The following FYN variants were observed in gnomAD, a reference collection of about 807,000 sequenced individuals.
The protein encoded by FYN is FYN proto-oncogene, Src family tyrosine kinase.
FYN carries 10 observed loss-of-function variants against 70.2 expected under a neutral mutation model. The observed-to-expected ratio is 0.14, with a 90% confidence interval of 0.09 to 0.24. FYN has a LOEUF of 0.24. Ranked by LOEUF, FYN falls within the 10% of genes least tolerant of loss-of-function variation. FYN has a pLI of 1.00. For missense variants in FYN, 319 were observed against 673.1 expected (o/e 0.47, Z 5.82); for synonymous variants, 236 against 248.6 (o/e 0.95, Z 0.48).
chr6:111,767,608 G>C (rs554106766), intron 3 of FYN, among the ~76,000 whole-genome samples: 4 of 152,296 alleles, frequency 2.6e-5, no homozygotes, highest in African/African-American at 7.2e-5. Flanking sequence ...CACCATGTCA[G>C]CCAGGATGGT....
intron 12 of FYN, among the ~76,000 whole-genome samples, chr6:111,685,032 C>G (rs1798936944): frequency 6.6e-6 from 1 of 152,160 alleles, no homozygotes. Context: ...CAAAACAAAA[C>G]AAAACAAACA....
In FYN at chr6:111,660,971, T is replaced by A. The variant is rs1193410060; in HGVS notation, c.*768A>T. The A allele has an allele frequency of 6.6e-6, 1 of 152,116 alleles. No homozygotes were observed. The highest frequency in any genetic ancestry group is 2.4e-5 in the African/African-American group (1 of 41,432). The allele number at this position is 152,116 out of a possible 1,614,324, so 9.4% of individuals were successfully genotyped here. A position where few individuals can be genotyped will look rare whatever the true frequency, so the allele number is the denominator to read the frequency against. ...GCTAACAGAACTTGTAAATTCAGCTTGGGGGGTGGTTCCTGAAAAGAGTCA... is the reference window on the plus strand; with the variant it reads ...GCTAACAGAACTTGTAAATTCAGCTAGGGGGGTGGTTCCTGAAAAGAGTCA... On this transcript the variant is annotated 3_prime_UTR_variant, in exon 14 of 14. Transcript: ENST00000354650.
intron 6 of FYN, among the ~76,000 whole-genome samples, chr6:111,704,811 C>T (rs749204972): frequency 4.6e-5 from 7 of 152,000 alleles, no homozygotes; most frequent in Non-Finnish European, 1.0e-4. Flanking sequence ...GCCTGTAATC[C>T]TAGCACTTTG....
At chr6:111,759,464 T>C (rs1392754423) in intron 3 of FYN, among the ~76,000 whole-genome samples, 2 of 152,190 alleles carry the variant, frequency 1.3e-5, no homozygotes, top group Non-Finnish European at 2.9e-5. Flanking sequence ...TCCTCTCTAC[T>C]CCAGCCCTCG....
intron 3 of FYN, among the ~76,000 whole-genome samples, chr6:111,729,868 C>CT (rs1801367054): frequency 6.6e-6 from 1 of 152,134 alleles, no homozygotes; most frequent in Non-Finnish European, 1.5e-5. Flanking sequence ...CTCTCTGTGT[C>CT]TTTTTTCTCA....
intron 2 of FYN, among the ~76,000 whole-genome samples, chr6:111,820,760 A>G (rs79031409): frequency 1.5e-4 from 23 of 152,124 alleles, no homozygotes; most frequent in African/African-American, 5.3e-4. Flanking sequence ...AAAAAATGAT[A>G]TAAGCACTGG....
chr6:111,776,605 C>G (rs963027158), intron 3 of FYN, among the ~76,000 whole-genome samples: 1 of 152,008 alleles, frequency 6.6e-6, no homozygotes, highest in Non-Finnish European at 1.5e-5. Flanking sequence ...AATATTACAC[C>G]ACAGCTTTTG....
At chr6:111,771,949 G>T (rs545817065) in intron 3 of FYN, among the ~76,000 whole-genome samples, 1 of 151,918 alleles carries the variant, frequency 6.6e-6, no homozygotes, top group Admixed American at 6.6e-5. Context: ...GGGATGGGGG[G>T]CATGGCCAGA....
intron 2 of FYN, among the ~76,000 whole-genome samples, chr6:111,826,747 TAC>T (rs1772846132): frequency 6.6e-6 from 1 of 152,224 alleles, no homozygotes; most frequent in African/African-American, 2.4e-5. Context: ...ATTTACTGCT[TAC>T]TGTCTCATCT....
chr6:111,789,632 G>A (rs1367849750), intron 2 of FYN, among the ~76,000 whole-genome samples: 1 of 152,154 alleles, frequency 6.6e-6, no homozygotes, highest in East Asian at 1.9e-4. Context: ...TAATAATCAT[G>A]TCTTTCTTTT....
chr6:111,758,275 TA>T (rs1241097703), intron 3 of FYN, among the ~76,000 whole-genome samples: 1 of 152,190 alleles, frequency 6.6e-6, no homozygotes, highest in African/African-American at 2.4e-5. Context: ...AAGTAGGATA[TA>T]AAACATTAAG....
At chr6:111,731,413 C>T (rs1049779404) in intron 3 of FYN, among the ~76,000 whole-genome samples, 1 of 152,186 alleles carries the variant, frequency 6.6e-6, no homozygotes, top group South Asian at 2.1e-4. Context: ...GTTATGAAGT[C>T]ACAGCCCAAT....
chr6:111,806,041 G>T (rs1365580161), intron 2 of FYN, among the ~76,000 whole-genome samples: 1 of 152,188 alleles, frequency 6.6e-6, no homozygotes, highest in Non-Finnish European at 1.5e-5. Flanking sequence ...AAGTGGGATG[G>T]GTGCAGTAGG....
intron 2 of FYN, among the ~76,000 whole-genome samples, chr6:111,837,877 T>TAAATTTAATAAA (rs1773238863): frequency 6.6e-6 from 1 of 152,236 alleles, no homozygotes; most frequent in Non-Finnish European, 1.5e-5. Flanking sequence ...GGAGGGACTA[T>TAAATTTAATAAA]GCAAATGCAC....
chr6:111,815,905 G>T (rs1212543925), intron 2 of FYN, among the ~76,000 whole-genome samples: 1 of 151,932 alleles, frequency 6.6e-6, no homozygotes, highest in Non-Finnish European at 1.5e-5. Flanking sequence ...TTGCCATGCT[G>T]CCCAGCTTGG....
chr6:111,783,788 C>T (rs948528775), intron 2 of FYN, among the ~76,000 whole-genome samples: 1 of 152,234 alleles, frequency 6.6e-6, no homozygotes, highest in Admixed American at 6.5e-5. Flanking sequence ...GCACGCCCAG[C>T]TGGGAGTGGG....
chr6:111,832,695 C>CT (rs1773052225), intron 2 of FYN, among the ~76,000 whole-genome samples: 1 of 151,936 alleles, frequency 6.6e-6, no homozygotes, highest in Admixed American at 6.6e-5. Context: ...AGGTTTTTTC[C>CT]ATTTTTTTTG....
chr6:111,831,658 G>C lies in FYN; in HGVS notation c.-82+14931C>G, dbSNP rs536580310. On this transcript the variant is annotated intron_variant, in intron 2 of 13. Transcript: ENST00000354650. Reference sequence around the variant, plus strand: ...GCTTATGTTACTATAAATAAATGTTGCACTTTCTCACAACCCATTTAATTA... The same window carrying C: ...GCTTATGTTACTATAAATAAATGTTCCACTTTCTCACAACCCATTTAATTA... Among the ~76,000 whole-genome samples, 8 of 152,272 alleles carry C rather than the reference G, an allele frequency of 5.3e-5. No homozygotes were observed. The South Asian group carries it at 1.5e-3, about 28-fold the overall frequency.
At chr6:111,785,617 GC>G (rs1771338171) in intron 2 of FYN, among the ~76,000 whole-genome samples, 1 of 151,952 alleles carries the variant, frequency 6.6e-6, no homozygotes, top group Non-Finnish European at 1.5e-5. Context: ...CAAGAGACTT[GC>G]CCAAGTTCTT....
Sources: gnomAD v4.1 joint callset for allele counts (sites outside exome capture counted in the v4.1 genomes callset) on GRCh38, gnomAD v4.1.1 for gene constraint, MANE v1.5 for transcripts, NCBI Gene and HGNC (gene_info 2026-07-23, HGNC 2026-07-21) for gene names.